Variants in DDX21 observed in about 807,000 individuals in gnomAD.
DDX21 encodes DExD-box helicase 21.
DDX21 carries 18 observed loss-of-function variants against 90.0 expected under a neutral mutation model. That is an observed-to-expected ratio of 0.20 (90% confidence interval 0.14 to 0.30). The LOEUF (loss-of-function observed/expected upper bound fraction) is 0.30, where lower values mean the gene tolerates loss of function less well. Among genes scored for constraint, DDX21 ranks in the 10% least tolerant of loss-of-function variants. The pLI is 1.00. For synonymous variants in DDX21, 294 were observed against 318.0 expected, an observed-to-expected ratio of 0.92 and a Z score of 0.80; for missense variants, 673 against 944.5, an observed-to-expected ratio of 0.71 and a Z score of 3.77.
Position 68,970,235 on chromosome 10 carries a change from C to T in DDX21, c.1271C>T (p.Ala424Val). The change falls in exon 8 of 15, where the codon GCA becomes GTA. Residue 424 changes from alanine (A) to valine (V), a missense_variant. By Grantham distance (64) the Ala-to-Val change is moderately conservative. Around this residue, in one of 4 missense-constraint regions of DDX21, gnomAD observed 218 missense variants for 347.3 expected, o/e 0.63. Coordinates refer to ENST00000354185, the MANE Select transcript of DDX21 (RefSeq NM_004728.4). ...LAIKCHWTQR[A>V]AVIGDVIRVY... ...ATTAAGTGCCACTGGACTCAGAGGG[C>T]AGCAGTTATTGGGGATGTCATCCGA... is the stretch of plus-strand genomic sequence containing the variant. 2 of 1,613,478 alleles carry T rather than the reference C, an allele frequency of 1.2e-6. No homozygotes were observed. The highest frequency in any genetic ancestry group is 2.2e-5 in the South Asian group (2 of 90,956).
intron 1 of DDX21, chr10:68,956,737 C>T (rs943209013): frequency 2.0e-5 from 20 of 1,022,358 alleles, no homozygotes; most frequent in South Asian, 1.1e-4. Context: ...GGAAGTTACA[C>T]GTCAAGTCAA....
chr10:68,958,679 C>T (rs928555218), intron 1 of DDX21, among the ~76,000 whole-genome samples: 2 of 152,276 alleles, frequency 1.3e-5, no homozygotes, highest in Non-Finnish European at 2.9e-5. Flanking sequence ...CCTCGTGATT[C>T]GCCCTCCTTG....
chr10:68,956,915 G>A (rs552600564), intron 1 of DDX21, among the ~76,000 whole-genome samples: 2 of 152,070 alleles, frequency 1.3e-5, no homozygotes, highest in African/African-American at 4.8e-5. Flanking sequence ...GGTGGCGCGC[G>A]CCTGTAGTCC....
Position 68,982,676 on chromosome 10 carries a change from A to G in DDX21, c.2216A>G (p.Asp739Gly), listed in dbSNP as rs1266154108. 3.1e-6 allele frequency: 5 copies of G among 1,614,030 alleles called. No individual in the cohort carries two copies. In the South Asian group the frequency reaches 5.5e-5, roughly 18 times the overall value. Residue 739 changes from aspartate (D) to glycine (G), a missense_variant, in exon 15 of 15, where the codon GAC (aspartate) becomes GGC (glycine). Around this residue, in one of 4 missense-constraint regions of DDX21, gnomAD observed 225 missense variants for 298.8 expected, o/e 0.75. Transcript: ENST00000354185. ...AGTCGAGGCTTCAGGGGACAGCGGG[A>G]CGGAAACAGAAGATTCAGAGGACAG... ...EGSRGFRGQR[D>G]GNRRFRGQRE...
chr10:68,956,586 T>C (rs1842798848), intron 1 of DDX21: 1 of 1,269,510 alleles, frequency 7.9e-7, no homozygotes, highest in Non-Finnish European at 1.0e-6. Context: ...AGAGAGGCCC[T>C]GTTGGAGCTC....
At chr10:68,973,024 G>C (rs1843048667) in intron 9 of DDX21, among the ~76,000 whole-genome samples, 1 of 151,974 alleles carries the variant, frequency 6.6e-6, no homozygotes, top group Admixed American at 6.6e-5. Flanking sequence ...GTGAAACCCT[G>C]TCTATACTAA....
At chr10:68,968,030 G>A (rs1187852811) in intron 6 of DDX21, among the ~76,000 whole-genome samples, 1 of 152,012 alleles carries the variant, frequency 6.6e-6, no homozygotes, top group African/African-American at 2.4e-5. Context: ...ATAGATGTGC[G>A]CCACCATGCC....
Position 68,970,220 on chromosome 10 carries a change from A to C in DDX21, c.1256A>C (p.His419Pro). The change falls in exon 8 of 15, where the codon CAC (histidine) becomes CCC (proline). Residue 419 changes from histidine (H) to proline (P), a missense_variant. Physicochemically the swap from His to Pro is moderately conservative, Grantham distance 77. This residue lies in a region of DDX21 where 218 missense variants were observed against 347.3 expected (regional missense o/e 0.63). Coordinates refer to ENST00000354185, the MANE Select transcript of DDX21 (RefSeq NM_004728.4). ...ITVEHLAIKCHWTQRAAVIGD... is the reference protein window; with the variant it reads ...ITVEHLAIKCPWTQRAAVIGD... ...CATAAGCATCTGGCTATTAAGTGCC[A>C]CTGGACTCAGAGGGCAGCAGTTATT... 1 of 1,611,630 alleles carries C rather than the reference A, an allele frequency of 6.2e-7. No individual in the cohort carries two copies. The highest frequency in any genetic ancestry group is 8.5e-7 in the Non-Finnish European group (1 of 1,179,190).
At chr10:68,960,277 A>G in intron 2 of DDX21, 28 bp downstream of exon 2, 1 of 1,557,500 alleles carries the variant, frequency 6.4e-7, no homozygotes, top group East Asian at 2.3e-5. Flanking sequence ...TGGGTAGAAG[A>G]TATCTTTCAT....
chr10:68,963,163 A>G (rs1842894438), intron 3 of DDX21, 128 bp from the exon 4 acceptor site: 1 of 933,844 alleles, frequency 1.1e-6, no homozygotes. Flanking sequence ...AACTTTGTAG[A>G]TGTTGACCAG....
Position 68,956,234 on chromosome 10 carries a change from A to G in DDX21, c.9A>G (p.Gly3=), listed in dbSNP as rs777706736. Residue 3 remains glycine, a synonymous_variant, in exon 1 of 15, where the codon GGA becomes GGG. Coordinates refer to ENST00000354185, the MANE Select transcript of DDX21 (RefSeq NM_004728.4). The part of the protein sequence containing the change: MP[G]KLRSDAGLES... ...GGCAACCTGCGCTGAAGATGCCGGG[A>G]AAACTCCGTAGTGACGCTGGTTTGG... 43 of 1,614,144 alleles carry G rather than the reference A, an allele frequency of 2.7e-5. 1 individual carries two copies. In the Middle Eastern group the frequency reaches 5.3e-3, roughly 198 times the overall value.
chr10:68,976,303 T>G (rs1404779704), intron 11 of DDX21, among the ~76,000 whole-genome samples: 3 of 151,764 alleles, frequency 2.0e-5, no homozygotes, highest in Admixed American at 6.6e-5. Context: ...TTTTTTTTTT[T>G]TTGAGACAGA....
chr10:68,979,100 A>G (rs1843150583), intron 13 of DDX21, 124 bp downstream of exon 13: 3 of 1,372,208 alleles, frequency 2.2e-6, no homozygotes, highest in Admixed American at 4.5e-5. Context: ...TTCCCTGGGT[A>G]ATCTCATCCG....
At chr10:68,976,566 C>T (rs1843104733) in intron 11 of DDX21, among the ~76,000 whole-genome samples, 1 of 152,150 alleles carries the variant, frequency 6.6e-6, no homozygotes, top group Admixed American at 6.5e-5. Context: ...GGATTATAGG[C>T]GTGAGCCACC....
intron 1 of DDX21, 125 bp downstream of exon 1, chr10:68,956,437 C>T: frequency 6.6e-7 from 1 of 1,504,392 alleles, no homozygotes; most frequent in Non-Finnish European, 8.9e-7. Flanking sequence ...AGACACCGGG[C>T]GTGGGTCTTG....
At chr10:68,961,104 A>C (rs970750386) in intron 2 of DDX21, among the ~76,000 whole-genome samples, 1 of 152,124 alleles carries the variant, frequency 6.6e-6, no homozygotes, top group Non-Finnish European at 1.5e-5. Flanking sequence ...AATTGTATTA[A>C]AAAAATTTGT....
intron 6 of DDX21, among the ~76,000 whole-genome samples, chr10:68,968,221 G>C (rs1217813264): frequency 1.3e-5 from 2 of 151,900 alleles, no homozygotes; most frequent in African/African-American, 2.4e-5. Context: ...TCAGGCTATA[G>C]TACAGTGGCA....
chr10:68,957,285 G>A (rs1373455739), intron 1 of DDX21, among the ~76,000 whole-genome samples: 3 of 152,106 alleles, frequency 2.0e-5, no homozygotes, highest in African/African-American at 7.2e-5. Context: ...CATGTGTTGC[G>A]GTGCTGAGTG....
chr10:68,961,652 A>T (rs946750968), intron 2 of DDX21, among the ~76,000 whole-genome samples: 1 of 152,206 alleles, frequency 6.6e-6, no homozygotes, highest in African/African-American at 2.4e-5. Flanking sequence ...ACTATCAAAT[A>T]ATGCCACAGT....
Sources: allele counts gnomAD v4.1 joint callset (sites outside exome capture counted in the v4.1 genomes callset), GRCh38; gene constraint gnomAD v4.1.1; regional missense constraint gnomAD v4.1.1; transcripts MANE v1.5; gene names NCBI Gene and HGNC (gene_info 2026-07-23, HGNC 2026-07-21).